The following EVI5 variants were observed in gnomAD, a reference collection of about 807,000 sequenced individuals.
EVI5 encodes the protein ecotropic viral integration site 5.
A neutral mutation model predicts 112.0 loss-of-function variants in EVI5; 73 were observed. The observed-to-expected ratio is 0.65, with a 90% CI of 0.54 to 0.79. The LOEUF is 0.79. Among genes scored for constraint, EVI5 ranks in the 30% least tolerant of loss-of-function variants. The probability of loss-of-function intolerance (pLI) is 0.00; values close to 1 mark genes in which losing one functional copy is unlikely to be tolerated. For missense variants in EVI5, 900 were observed against 968.8 expected (o/e 0.93, Z 0.94); for synonymous variants, 305 against 319.9 (o/e 0.95, Z 0.50).
intron 13 of EVI5, among the ~76,000 whole-genome samples, chr1:92,650,853 T>C (rs753671242): frequency 1.2e-4 from 18 of 152,234 alleles, no homozygotes; most frequent in Non-Finnish European, 2.5e-4. Context: ...AATTTATTCC[T>C]TGATAAAGGC....
rs542838573 is a variant in EVI5 at position 92,715,934 on chromosome 1, G to A, written c.150-11190C>T. Among the ~76,000 whole-genome samples, 7 of 152,234 alleles carry A rather than the reference G, an allele frequency of 4.6e-5. No homozygotes were observed. In the East Asian group the frequency reaches 1.4e-3, roughly 29 times the overall value. ...GGGACATCCACCATTGCTGAGGCTT[G>A]AGTAGGTAAACAAAGCGGCCGGGAA... On this transcript the variant is annotated intron_variant, in intron 2 of 19. Transcript: ENST00000684568.
At chr1:92,756,249 C>T in intron 1 of EVI5, 1 of 430,490 alleles carries the variant, frequency 2.3e-6, no homozygotes, top group South Asian at 1.9e-5. Context: ...CCAACAGCTG[C>T]CCATTTCATT....
chr1:92,557,062 A>G (rs966521677), intron 19 of EVI5, among the ~76,000 whole-genome samples: 5 of 152,164 alleles, frequency 3.3e-5, no homozygotes, highest in African/African-American at 1.2e-4. Context: ...ACCTACTTAA[A>G]AAAAGCTTCC....
chr1:92,694,258 C>CT (rs750182675), intron 8 of EVI5, 41 bp downstream of exon 8: 3 of 1,228,012 alleles, frequency 2.4e-6, no homozygotes, highest in African/African-American at 3.1e-5. Context: ...GAACTAAACT[C>CT]TGTCTCAAAA....
chr1:92,672,954 ACT>A (rs2102279504), intron 10 of EVI5, among the ~76,000 whole-genome samples: 1 of 152,132 alleles, frequency 6.6e-6, no homozygotes, highest in Non-Finnish European at 1.5e-5. Context: ...CAAATCCTTG[ACT>A]CTGTTTCCTC....
chr1:92,531,044 AG>A (rs1219210354), intron 19 of EVI5, among the ~76,000 whole-genome samples: 3 of 152,054 alleles, frequency 2.0e-5, no homozygotes, highest in African/African-American at 7.2e-5. Context: ...CCTTGAAAAA[AG>A]GTCAGATGAA....
At chr1:92,614,466 G>A (rs1157398320) in intron 16 of EVI5, among the ~76,000 whole-genome samples, 1 of 152,168 alleles carries the variant, frequency 6.6e-6, no homozygotes, top group African/African-American at 2.4e-5. Context: ...GTGTCTGTGA[G>A]GGTGTTGCCA....
Position 92,627,413 on chromosome 1 carries a change from T to C in EVI5, c.1528-1479A>G, listed in dbSNP as rs953883004. ...TATACACCACAGTTTCTTTATCCAC[T>C]TGTTGATTGATGGGCATTTGAGTTG... is the stretch of plus-strand genomic sequence containing the variant. On this transcript the variant is annotated intron_variant, in intron 14 of 19. Transcript: ENST00000684568. Among the ~76,000 whole-genome samples, 41 of 152,356 alleles carry C rather than the reference T, an allele frequency of 2.7e-4. 1 individual carries two copies. The highest frequency in any genetic ancestry group is 6.8e-3 in the Middle Eastern group (2 of 294).
chr1:92,789,320 CT>C (rs775100642), upstream of EVI5, among the ~76,000 whole-genome samples: 2 of 132,206 alleles, frequency 1.5e-5, no homozygotes, highest in South Asian at 2.3e-4. Context: ...GCTTCTTCTT[CT>C]TTTTTTTTTC....
At chr1:92,641,640 T>C (rs1301753661) in intron 13 of EVI5, among the ~76,000 whole-genome samples, 1 of 152,140 alleles carries the variant, frequency 6.6e-6, no homozygotes, top group Non-Finnish European at 1.5e-5. Context: ...AAAAAAGTTA[T>C]ACAAGGCAAG....
At chr1:92,738,484 CTCAG>C (rs1221898188) in intron 1 of EVI5, among the ~76,000 whole-genome samples, 1 of 152,148 alleles carries the variant, frequency 6.6e-6, no homozygotes, top group Non-Finnish European at 1.5e-5. Flanking sequence ...AACTCCCCTA[CTCAG>C]TAAGTTAATT....
chr1:92,511,683 T>A lies in EVI5; in HGVS notation c.*1973A>T, dbSNP rs199783996. 2.0e-5 allele frequency: 3 copies of A among 152,124 alleles called. No homozygotes were observed. Among genetic ancestry groups the A allele is most frequent in the Non-Finnish European group, 2.9e-5 (2 of 68,004 alleles). 9.4% of individuals were successfully genotyped at this position (152,124 alleles called of 1,614,324 possible). ...ACACCTGTCTCTATATTAAAAAAAA[T>A]CTTGGCTCTGCTACTTACTAGCTTG... On this transcript the variant is annotated 3_prime_UTR_variant, in exon 20 of 20. Transcript: ENST00000684568.
At chr1:92,771,962 C>T (rs563935354) in intron 1 of EVI5, among the ~76,000 whole-genome samples, 1 of 152,166 alleles carries the variant, frequency 6.6e-6, no homozygotes, top group African/African-American at 2.4e-5. Flanking sequence ...TCAAGCAATT[C>T]TCCTGCCTCA....
At chr1:92,761,664 T>C (rs1570826722) in intron 1 of EVI5, among the ~76,000 whole-genome samples, 1 of 152,108 alleles carries the variant, frequency 6.6e-6, no homozygotes, top group African/African-American at 2.4e-5. Flanking sequence ...AGAAATGGTG[T>C]CTTGCTATAT....
rs745768708 is a variant in EVI5 at position 92,563,757 on chromosome 1, C to T, written c.2071-20G>A. On this transcript the variant is annotated intron_variant, in intron 18 of 19. Transcript: ENST00000684568. ...TTCTTTCTGTTTTGTGACAAAACAA[C>T]AAAGCAAAAACAAGAGGCAATTTTT... 3.9e-6 allele frequency: 6 copies of T among 1,536,238 alleles called. No homozygotes were observed. In the East Asian group the frequency reaches 1.1e-4, roughly 29 times the overall value.
chr1:92,750,829 A>G (rs922356364), intron 1 of EVI5, among the ~76,000 whole-genome samples: 1 of 152,198 alleles, frequency 6.6e-6, no homozygotes, highest in African/African-American at 2.4e-5. Context: ...CAAACACTTC[A>G]TACATTCCAT....
At chr1:92,754,917 G>A (rs1201198744) in intron 1 of EVI5, among the ~76,000 whole-genome samples, 3 of 152,090 alleles carry the variant, frequency 2.0e-5, no homozygotes, top group Non-Finnish European at 4.4e-5. Context: ...ACAAAGTTGG[G>A]CAATAATGAA....
In EVI5 at chr1:92,513,782, G is replaced by A. The variant is rs757836040; in HGVS notation, c.2355C>T (p.Asp785=). Residue 785 remains aspartate, a synonymous_variant, in exon 20 of 20, where the codon GAC becomes GAT. Transcript: ENST00000684568. ...TCTCACTACCATCTGCCACTGCGGG[G>A]TCCAAAGACATCGAACCAGATTTTC... is the stretch of plus-strand genomic sequence containing the variant. ...LHGKSGSMSL[D]PAVADGSESE... 1.7e-5 allele frequency: 27 copies of A among 1,613,352 alleles called. No homozygotes were observed. The highest frequency in any genetic ancestry group is 2.3e-5 in the Non-Finnish European group (27 of 1,179,836).
In EVI5 at chr1:92,654,159, T is replaced by G. The variant is rs148341108; in HGVS notation, c.1392+8560A>C. ...ACTGTACATTCCACAGCCCAGCCCA[T>G]TGCCTGAAGCAACAAAGAACTTCCC... is the stretch of plus-strand genomic sequence containing the variant. On this transcript the variant is annotated intron_variant, in intron 13 of 19. Transcript: ENST00000684568. Among the ~76,000 whole-genome samples the G allele has an allele frequency of 1.9e-3, 284 of 152,152 alleles. 4 individuals are homozygous for G. Among genetic ancestry groups the G allele is most frequent in the African/African-American group, 6.3e-3 (261 of 41,494 alleles).
Sources: gnomAD v4.1 joint callset for allele counts (sites outside exome capture counted in the v4.1 genomes callset) on GRCh38, gnomAD v4.1.1 for gene constraint, MANE v1.5 for transcripts, NCBI Gene and HGNC (gene_info 2026-07-23, HGNC 2026-07-21) for gene names.